HDAC9: variants seen among roughly 807,000 people sequenced by gnomAD.
HDAC9 encodes histone deacetylase 9.
Under a neutral mutation model 139.4 loss-of-function variants are expected in HDAC9, and 41 were observed. The observed-to-expected ratio is 0.29, with a 90% CI of 0.23 to 0.38. The LOEUF is 0.38. Ranked by LOEUF, HDAC9 falls within the 10% of genes least tolerant of loss-of-function variation. HDAC9 has a pLI of 1.00. For missense variants in HDAC9, 1,147 were observed against 1,297.0 expected, an observed-to-expected ratio of 0.88 and a Z score of 1.78; for synonymous variants, 517 against 476.2, an observed-to-expected ratio of 1.09 and a Z score of -1.12.
intron 8 of HDAC9, among the ~76,000 whole-genome samples, chr7:18,637,358 A>G (rs997014721): frequency 3.9e-5 from 6 of 152,120 alleles, no homozygotes; most frequent in African/African-American, 1.4e-4. Context: ...CAGTGAAGAA[A>G]GTAAATAAAA....
intron 1 of HDAC9, among the ~76,000 whole-genome samples, chr7:18,096,063 T>A (rs1263388300): frequency 6.6e-6 from 1 of 152,216 alleles, no homozygotes; most frequent in Non-Finnish European, 1.5e-5. Context: ...CTGAGATCTC[T>A]ATAACATCTT....
intron 2 of HDAC9, among the ~76,000 whole-genome samples, chr7:18,198,718 C>A (rs1415131788): frequency 2.6e-5 from 4 of 151,908 alleles, no homozygotes; most frequent in African/African-American, 4.8e-5. Context: ...TGGTGAATTT[C>A]CAAAAAATAG....
intron 16 of HDAC9, among the ~76,000 whole-genome samples, chr7:18,770,939 C>G (rs1399406546): frequency 6.6e-6 from 1 of 152,060 alleles, no homozygotes; most frequent in Admixed American, 6.6e-5. Flanking sequence ...TGCTCTGTTC[C>G]CTGGGGAAAG....
At chr7:18,867,920 A>G (rs747468800) in intron 21 of HDAC9, among the ~76,000 whole-genome samples, 1 of 152,012 alleles carries the variant, frequency 6.6e-6, no homozygotes. Flanking sequence ...TCGTCTACTA[A>G]TTTTTTAAGT....
intron 21 of HDAC9, among the ~76,000 whole-genome samples, chr7:18,860,197 TG>T (rs1478103603): frequency 6.6e-6 from 1 of 152,032 alleles, no homozygotes; most frequent in Non-Finnish European, 1.5e-5. Flanking sequence ...AAAGTGCACG[TG>T]TCACCAGCAT....
chr7:18,778,493 T>C (rs978413050), intron 16 of HDAC9, among the ~76,000 whole-genome samples: 11 of 151,998 alleles, frequency 7.2e-5, no homozygotes, highest in Non-Finnish European at 1.5e-4. Flanking sequence ...AATAAAAAGA[T>C]TGGCATATTT....
At chr7:18,913,115 A>G (rs1360209436) in intron 22 of HDAC9, among the ~76,000 whole-genome samples, 1 of 152,096 alleles carries the variant, frequency 6.6e-6, no homozygotes, top group East Asian at 1.9e-4. Context: ...TACTAGAACA[A>G]AGGCTGTATA....
Position 18,197,857 on chromosome 7 carries a change from A to G in HDAC9, c.25+35508A>G, listed in dbSNP as rs531522190. ...GCCTTTTAAGGAAAACTGAACCAGG[A>G]ATTAGGATTTATTTGCTGTAATCTT... On this transcript the variant is annotated intron_variant, in intron 2 of 12. Transcript: ENST00000417496. Among the ~76,000 whole-genome samples the G allele has an allele frequency of 5.5e-4, 84 of 152,280 alleles. 1 individual carries two copies. Among genetic ancestry groups the G allele is most frequent in the Non-Finnish European group, 1.0e-3 (71 of 68,020 alleles).
chr7:18,886,733 A>G (rs957762826), intron 22 of HDAC9, among the ~76,000 whole-genome samples: 15 of 152,194 alleles, frequency 9.9e-5, no homozygotes, highest in African/African-American at 3.6e-4. Context: ...ACTGAATAGA[A>G]TCCCAAAGAA....
In HDAC9 at chr7:18,603,863, A is replaced by G. The variant is rs552360640; in HGVS notation, c.664+9834A>G. Among the ~76,000 whole-genome samples, 47 of 152,002 alleles carry G rather than the reference A, an allele frequency of 3.1e-4. No individual in the cohort carries two copies. In the South Asian group the frequency reaches 7.2e-3, roughly 23 times the overall value. On this transcript the variant is annotated intron_variant, in intron 6 of 25. Coordinates refer to ENST00000686413, the MANE Select transcript of HDAC9 (RefSeq NM_178425.4). Reference sequence around the variant, plus strand: ...TGTCCTTAGTTTTTGTTTGTCCAAGAAAGTGCTTTATTTCTCCTTCTTGTT... The same window carrying G: ...TGTCCTTAGTTTTTGTTTGTCCAAGGAAGTGCTTTATTTCTCCTTCTTGTT...
At chr7:18,473,570 AC>A (rs1359085891) in intron 1 of HDAC9, among the ~76,000 whole-genome samples, 1 of 152,280 alleles carries the variant, frequency 6.6e-6, no homozygotes, top group East Asian at 1.9e-4. Flanking sequence ...ACTCATTAAG[AC>A]AACCTATGAC....
At chr7:18,740,404 G>T (rs913594950) in intron 13 of HDAC9, among the ~76,000 whole-genome samples, 1 of 152,150 alleles carries the variant, frequency 6.6e-6, no homozygotes, top group Non-Finnish European at 1.5e-5. Context: ...ATTTTGGAAT[G>T]GACCCAATCA....
intron 17 of HDAC9, among the ~76,000 whole-genome samples, chr7:18,817,255 C>T (rs937840143): frequency 1.3e-5 from 2 of 152,090 alleles, no homozygotes; most frequent in Non-Finnish European, 2.9e-5. Flanking sequence ...AGGATGGTCT[C>T]TGTCTCCTGA....
intron 1 of HDAC9, among the ~76,000 whole-genome samples, chr7:18,353,323 T>C (rs1260833247): frequency 6.6e-6 from 1 of 152,126 alleles, no homozygotes; most frequent in Non-Finnish European, 1.5e-5. Context: ...GGATACCGTA[T>C]TTAAAGGTAG....
intron 2 of HDAC9, among the ~76,000 whole-genome samples, chr7:18,501,923 G>C (rs558320739): frequency 6.6e-6 from 1 of 152,298 alleles, no homozygotes; most frequent in African/African-American, 2.4e-5. Context: ...TGACAGACAA[G>C]TAGGACATTT....
chr7:18,291,505 G>A (rs1488592588), intron 1 of HDAC9, among the ~76,000 whole-genome samples: 1 of 152,086 alleles, frequency 6.6e-6, no homozygotes, highest in Non-Finnish European at 1.5e-5. Context: ...TGGGAACATA[G>A]AGTGCTCACT....
At chr7:18,125,793 A>G (rs542450845) in intron 1 of HDAC9, among the ~76,000 whole-genome samples, 32 of 152,208 alleles carry the variant, frequency 2.1e-4, no homozygotes, top group African/African-American at 6.7e-4. Flanking sequence ...GCTATGGACA[A>G]CTTCCTTGTG....
chr7:18,718,018 A>C (rs1784837327), intron 12 of HDAC9, among the ~76,000 whole-genome samples: 1 of 152,144 alleles, frequency 6.6e-6, no homozygotes, highest in South Asian at 2.1e-4. Flanking sequence ...TGTACAATTC[A>C]GTGGTTTTTC....
At chr7:18,277,753 A>G (rs1315400920) in intron 2 of HDAC9, among the ~76,000 whole-genome samples, 2 of 152,194 alleles carry the variant, frequency 1.3e-5, no homozygotes, top group East Asian at 3.9e-4. Flanking sequence ...CAAAGATTTT[A>G]TTAAAAAGTC....
Sources: gnomAD v4.1 joint callset for allele counts (sites outside exome capture counted in the v4.1 genomes callset) on GRCh38, gnomAD v4.1.1 for gene constraint, MANE v1.5 for transcripts, NCBI Gene and HGNC (gene_info 2026-07-23, HGNC 2026-07-21) for gene names.